The following DYRK4 variants were observed in gnomAD, a reference collection of about 807,000 sequenced individuals.
The protein encoded by DYRK4 is dual specificity tyrosine-phosphorylation-regulated kinase 4.
DYRK4 carries 64 observed loss-of-function variants against 68.3 expected under a neutral mutation model. The ratio of observed to expected loss-of-function variants is 0.94; its 90% CI spans 0.77 to 1.15. The LOEUF (loss-of-function observed/expected upper bound fraction) is 1.15, where lower values mean the gene tolerates loss of function less well. Ranked by LOEUF, DYRK4 falls within the 50% of genes most tolerant of loss-of-function variation. The pLI is 0.00. For synonymous variants in DYRK4, 274 were observed against 289.9 expected, an observed-to-expected ratio of 0.95 and a Z score of 0.56; for missense variants, 740 against 764.7, an observed-to-expected ratio of 0.97 and a Z score of 0.38.
chr12:4,602,631 A>G, intron 10 of DYRK4: 2 of 1,368,138 alleles, frequency 1.5e-6, no homozygotes, highest in Non-Finnish European at 2.1e-6. Flanking sequence ...TGCCACTGAC[A>G]CAGGAGTTGG....
chr12:4,568,328 C>A (rs1381694881), intron 2 of DYRK4, among the ~76,000 whole-genome samples: 2 of 152,112 alleles, frequency 1.3e-5, no homozygotes, highest in African/African-American at 2.4e-5. Flanking sequence ...ATGTGAGATC[C>A]TACTGGAAGT....
rs547006871 is a variant in DYRK4, at chr12:4,575,696, C to T, written c.132+7648C>T. Among the ~76,000 whole-genome samples, 4 of 152,206 alleles carry T rather than the reference C, an allele frequency of 2.6e-5. No individual in the cohort carries two copies. The East Asian group carries it at 5.8e-4, about 22-fold the overall frequency. On this transcript the variant is annotated intron_variant, in intron 2 of 14. Coordinates refer to ENST00000543431, the MANE Select transcript of DYRK4 (RefSeq NM_001394779.1). ...TGTATTTATTGGCTATTTGTGTTTC[C>T]TCTTCTTTGAAATACTTGGTCATGC...
At position 4,580,840 on chromosome 12, in the gene DYRK4, G is replaced by T. The variant is rs939010863; in HGVS notation, c.133-8097G>T. 49 of 455,838 alleles carry T rather than the reference G, an allele frequency of 1.1e-4. 1 individual carries two copies. Among genetic ancestry groups the T allele is most frequent in the Middle Eastern group, 6.5e-4 (2 of 3,070 alleles). 28.2% of individuals were successfully genotyped at this position (455,838 alleles called of 1,614,324 possible). A position where few individuals can be genotyped will look rare whatever the true frequency, so the allele number is the denominator to read the frequency against. On this transcript the variant is annotated intron_variant, in intron 2 of 14. Transcript: ENST00000543431. Reference sequence around the variant, plus strand: ...GGGAAACAGGAAGAGACAAGGAGGAGTCAGCTGAGAAAACAGGAAAATCGC... The same window carrying T: ...GGGAAACAGGAAGAGACAAGGAGGATTCAGCTGAGAAAACAGGAAAATCGC...
At chr12:4,567,536 G>A (rs1170060673) in intron 1 of DYRK4, among the ~76,000 whole-genome samples, 2 of 152,174 alleles carry the variant, frequency 1.3e-5, no homozygotes, top group African/African-American at 4.8e-5. Context: ...TGCAAACATG[G>A]CCAAATGAGA....
chr12:4,613,564 G>A lies in DYRK4; in HGVS notation c.1716G>A (p.Lys572=). ...AGAAAACAAAAGATAGCCCCACGAA[G>A]CATGTTCAGCATTCAGGTGATCAGC... ...TTEKTKDSPT[K]HVQHSGDQQD... Residue 572 remains lysine (K), a synonymous_variant, in exon 15 of 15, where the codon AAG becomes AAA. Transcript: ENST00000543431. This position sits in a 1 kb window ranked among gnomAD's most constrained non-coding sequence, Gnocchi z 4.0. The A allele has an allele frequency of 6.2e-7, 1 of 1,614,110 alleles. No homozygotes were observed. The highest frequency in any genetic ancestry group is 8.5e-7 in the Non-Finnish European group (1 of 1,179,948).
rs1014377214 is a variant in DYRK4 at position 4,592,806 on chromosome 12, A to C, written c.464-196A>C. 4 of 552,972 alleles carry C rather than the reference A, an allele frequency of 7.2e-6. No homozygotes were observed. In the African/African-American group the frequency reaches 7.6e-5, roughly 11 times the overall value. The allele number at this position is 552,972 out of a possible 1,614,324, so 34.3% of individuals were successfully genotyped here. Reference sequence around the variant, plus strand: ...CTTGTGTTCCTTTCTCGATTTGTTGAAATAAATACAAGACCTTGACATTTA... The same window carrying C: ...CTTGTGTTCCTTTCTCGATTTGTTGCAATAAATACAAGACCTTGACATTTA... On this transcript the variant is annotated intron_variant, in intron 5 of 14. Coordinates refer to ENST00000543431, the MANE Select transcript of DYRK4 (RefSeq NM_001394779.1).
At chr12:4,583,787 G>A (rs1591793049) in intron 2 of DYRK4, among the ~76,000 whole-genome samples, 1 of 146,476 alleles carries the variant, frequency 6.8e-6, no homozygotes, top group Non-Finnish European at 1.5e-5. Flanking sequence ...ATCATACAAA[G>A]AAGTAGTGTC....
At chr12:4,573,904 T>G (rs2137328243) in intron 2 of DYRK4, among the ~76,000 whole-genome samples, 1 of 152,310 alleles carries the variant, frequency 6.6e-6, no homozygotes, top group Admixed American at 6.5e-5. Context: ...ATGATCACCC[T>G]TGTGTGTACC....
At chr12:4,590,658 A>G in intron 4 of DYRK4, 2 of 991,676 alleles carry the variant, frequency 2.0e-6, no homozygotes, top group African/African-American at 1.7e-5. Context: ...TAGAGCTGTC[A>G]GGAGGATTCA....
intron 4 of DYRK4, 134 bp downstream of exon 4, chr12:4,590,574 T>G (rs948047513): frequency 1.4e-6 from 2 of 1,411,768 alleles, no homozygotes; most frequent in African/African-American, 1.5e-5. Flanking sequence ...AGTCCTGTTC[T>G]CATTCTTTAC....
In DYRK4 at chr12:4,592,941, C is replaced by T. The variant is rs969520766; in HGVS notation, c.464-61C>T. ...GACCTGGAAGGGATGCCATCGTCTG[C>T]ATCCGGGGCAAATCCCATGCTGCCT... On this transcript the variant is annotated intron_variant, in intron 5 of 14. Coordinates refer to ENST00000543431, the MANE Select transcript of DYRK4 (RefSeq NM_001394779.1). 175 of 1,569,376 alleles carry T rather than the reference C, an allele frequency of 1.1e-4. No individual in the cohort carries two copies. The East Asian group carries it at 2.0e-3, about 18-fold the overall frequency.
chr12:4,605,156 A>G (rs1320688754), intron 11 of DYRK4, 70 bp downstream of exon 11: 2 of 1,412,014 alleles, frequency 1.4e-6, no homozygotes, highest in African/African-American at 2.8e-5. Context: ...GGGCTGCACC[A>G]GACTCGCCCA....
At position 4,588,983 on chromosome 12, in the gene DYRK4, T is replaced by A. The variant is rs1224324441; in HGVS notation, c.179T>A (p.Ile60Asn). ...SVQIQKPPSN[I>N]KNSRMTQVFH... ...CAGATCCAGAAGCCACCTTCCAATA[T>A]CAAGAACTCCAGAATGACCCAAGTC... Residue 60 changes from isoleucine to asparagine, a missense_variant, in exon 3 of 15, where the codon ATC (isoleucine) becomes AAC (asparagine). By Grantham distance (149) the Ile-to-Asn change is moderately radical. Transcript: ENST00000543431. 1.3e-6 allele frequency: 2 copies of A among 1,535,996 alleles called. No homozygotes were observed. The highest frequency in any genetic ancestry group is 1.7e-6 in the Non-Finnish European group (2 of 1,146,910).
intron 2 of DYRK4, among the ~76,000 whole-genome samples, chr12:4,583,368 G>A (rs1944862795): frequency 6.6e-6 from 1 of 151,694 alleles, no homozygotes; most frequent in African/African-American, 2.4e-5. Context: ...CCACCCCAAC[G>A]CCATGTGACC....
At chr12:4,569,663 G>A (rs1477206979) in intron 2 of DYRK4, among the ~76,000 whole-genome samples, 3 of 151,908 alleles carry the variant, frequency 2.0e-5, no homozygotes, top group Non-Finnish European at 4.4e-5. Context: ...GTCTCGCTAT[G>A]TTGCCCAGGC....
At chr12:4,570,611 A>C (rs1424211488) in intron 2 of DYRK4, among the ~76,000 whole-genome samples, 1 of 152,228 alleles carries the variant, frequency 6.6e-6, no homozygotes, top group Admixed American at 6.5e-5. Context: ...AAGAAGAGGG[A>C]GCTGTGGATC....
intron 1 of DYRK4, among the ~76,000 whole-genome samples, chr12:4,565,278 G>C (rs1433579909): frequency 1.3e-5 from 2 of 152,186 alleles, no homozygotes; most frequent in East Asian, 3.8e-4. Context: ...GCACAAAATA[G>C]TCTTTAATAA....
At chr12:4,605,729 G>GTT (rs58963826) in intron 11 of DYRK4, among the ~76,000 whole-genome samples, 14,397 of 101,384 alleles carry the variant, frequency 0.14, 2,309 homozygotes, top group Non-Finnish European at 0.18. Context: ...ATAGAGCTGG[G>GTT]TTTTTTTTTT....
chr12:4,567,860 T>G, intron 1 of DYRK4, 95 bp from the exon 2 acceptor site: 5 of 1,117,446 alleles, frequency 4.5e-6, no homozygotes, highest in Non-Finnish European at 6.4e-6. Context: ...CTTCTTTTCT[T>G]CAAACCTGCC....
Sources: gnomAD v4.1 joint callset for allele counts (sites outside exome capture counted in the v4.1 genomes callset) on GRCh38, gnomAD v4.1.1 for gene constraint, Gnocchi (gnomAD v3.1) non-coding constraint, MANE v1.5 for transcripts, NCBI Gene and HGNC (gene_info 2026-07-23, HGNC 2026-07-21) for gene names.